The following GRID2 variants were observed in gnomAD, a reference collection of about 807,000 sequenced individuals.
The protein encoded by GRID2 is glutamate ionotropic receptor delta type subunit 2.
A neutral mutation model predicts 114.8 loss-of-function variants in GRID2; 33 were observed. The observed-to-expected ratio is 0.29, with a 90% CI of 0.22 to 0.38. The LOEUF (loss-of-function observed/expected upper bound fraction) is 0.38. GRID2 is among the 10% of genes least tolerant of loss of function. GRID2 has a pLI of 1.00. For synonymous variants in GRID2, 505 were observed against 449.9 expected (o/e 1.12, Z -1.55); for missense variants, 1,184 against 1,257.7 (o/e 0.94, Z 0.89).
chr4:93,606,819 A>G (rs1481345696), intron 13 of GRID2, among the ~76,000 whole-genome samples: 1 of 152,166 alleles, frequency 6.6e-6, no homozygotes, highest in East Asian at 1.9e-4. Context: ...ATACACTCAT[A>G]AATCATAGGA....
intron 2 of GRID2, among the ~76,000 whole-genome samples, chr4:92,676,331 C>A (rs1325548117): frequency 2.0e-5 from 3 of 151,900 alleles, no homozygotes; most frequent in Non-Finnish European, 4.4e-5. Flanking sequence ...AGGTGCCCAC[C>A]ACAACGCCCG....
At chr4:93,476,525 C>T (rs1725335545) in intron 11 of GRID2, among the ~76,000 whole-genome samples, 2 of 152,098 alleles carry the variant, frequency 1.3e-5, no homozygotes, top group Non-Finnish European at 2.9e-5. Context: ...TTTCCAGAAT[C>T]TTAGCCTTAC....
chr4:92,746,651 A>G (rs916422319), intron 2 of GRID2, among the ~76,000 whole-genome samples: 1 of 152,074 alleles, frequency 6.6e-6, no homozygotes, highest in African/African-American at 2.4e-5. Context: ...TTACGTACTT[A>G]CAGAATGTTT....
intron 2 of GRID2, among the ~76,000 whole-genome samples, chr4:92,714,284 A>G (rs1735422313): frequency 6.6e-6 from 1 of 152,194 alleles, no homozygotes. Flanking sequence ...CTGATGCAAG[A>G]AGTGGGTTCC....
intron 13 of GRID2, among the ~76,000 whole-genome samples, chr4:93,613,798 T>G (rs369827247): frequency 0.029 from 4,386 of 151,764 alleles, 83 homozygotes; most frequent in East Asian, 0.063. Context: ...ACGTGGAGCC[T>G]ACAGAGGCAG....
chr4:93,063,309 C>A (rs1727971463), intron 2 of GRID2, among the ~76,000 whole-genome samples: 1 of 151,866 alleles, frequency 6.6e-6, no homozygotes, highest in Non-Finnish European at 1.5e-5. Flanking sequence ...TTTCACTTAA[C>A]AATTTGATCA....
At chr4:93,652,555 T>C (rs780369598) in intron 14 of GRID2, among the ~76,000 whole-genome samples, 55 of 152,146 alleles carry the variant, frequency 3.6e-4, no homozygotes, top group South Asian at 8.3e-4. Context: ...GGCTATATCA[T>C]ATAGCCTAGG....
chr4:93,593,876 T>C (rs1738708834), intron 13 of GRID2, among the ~76,000 whole-genome samples: 1 of 152,078 alleles, frequency 6.6e-6, no homozygotes, highest in South Asian at 2.1e-4. Context: ...ATTCTTCACG[T>C]AGTTCTCGAG....
chr4:93,438,176 C>A (rs547302828), intron 10 of GRID2, among the ~76,000 whole-genome samples: 1 of 152,158 alleles, frequency 6.6e-6, no homozygotes, highest in African/African-American at 2.4e-5. Context: ...GTGGAAGATA[C>A]TTTTCCTCGG....
intron 1 of GRID2, among the ~76,000 whole-genome samples, chr4:92,375,351 T>C (rs1457699794): frequency 6.6e-6 from 1 of 152,206 alleles, no homozygotes; most frequent in Non-Finnish European, 1.5e-5. Flanking sequence ...TTTTTAGCCC[T>C]TGTAATTTGT....
intron 2 of GRID2, among the ~76,000 whole-genome samples, chr4:92,604,925 T>G (rs1451066017): frequency 6.6e-6 from 1 of 152,018 alleles, no homozygotes; most frequent in African/African-American, 2.4e-5. Context: ...TGGAGGTAAT[T>G]GAATCATGCG....
chr4:92,604,054 CTG>C (rs750020938), intron 2 of GRID2, among the ~76,000 whole-genome samples: 32 of 152,008 alleles, frequency 2.1e-4, no homozygotes, highest in Non-Finnish European at 4.0e-4. Context: ...GCTGGTGTGA[CTG>C]TGGAGGAAGA....
Position 93,332,777 on chromosome 4 carries a change from T to C in GRID2, c.1246-62830T>C, listed in dbSNP as rs865816857. 1.1e-4 allele frequency among the ~76,000 whole-genome samples: 16 copies of C among 152,228 alleles called. No homozygotes were observed. The Middle Eastern group carries it at 0.01, about 97-fold the overall frequency. On this transcript the variant is annotated intron_variant, in intron 8 of 15. Transcript: ENST00000282020. The stretch of plus-strand genomic sequence containing the variant: ...TACGTTACCCAGAAAGCTATAGCTT[T>C]CTTGTTTTCTTGGACCTAGGGGCTA...
intron 2 of GRID2, among the ~76,000 whole-genome samples, chr4:92,919,912 TTC>T (rs1276824416): frequency 2.0e-5 from 3 of 152,200 alleles, no homozygotes; most frequent in African/African-American, 4.8e-5. Context: ...CTTGTTAACT[TTC>T]TGTCTCATTG....
At chr4:93,783,186 C>CA (rs1463182628) in intron 1 of GRID2, among the ~76,000 whole-genome samples, 1 of 152,240 alleles carries the variant, frequency 6.6e-6, no homozygotes, top group Non-Finnish European at 1.5e-5. Flanking sequence ...GACCAGGTGC[C>CA]AGGCTCAGTG....
intron 13 of GRID2, among the ~76,000 whole-genome samples, chr4:93,599,597 A>G (rs143835286): frequency 3.9e-5 from 6 of 152,322 alleles, no homozygotes; most frequent in African/African-American, 1.4e-4. Flanking sequence ...ACTGGAAAAC[A>G]ATGTGATTAT....
chr4:93,037,647 T>G (rs1725050930), intron 2 of GRID2, among the ~76,000 whole-genome samples: 1 of 152,190 alleles, frequency 6.6e-6, no homozygotes, highest in African/African-American at 2.4e-5. Context: ...CAGTTTTAGC[T>G]TTCTGCATAT....
intron 8 of GRID2, among the ~76,000 whole-genome samples, chr4:93,346,209 T>C (rs551293167): frequency 6.6e-6 from 1 of 152,314 alleles, no homozygotes; most frequent in South Asian, 2.1e-4. Context: ...TGATTTCAAA[T>C]GTGAAACTTG....
intron 2 of GRID2, among the ~76,000 whole-genome samples, chr4:92,925,327 G>A (rs1276764131): frequency 6.6e-6 from 1 of 151,982 alleles, no homozygotes; most frequent in African/African-American, 2.4e-5. Context: ...AGAGATTAGA[G>A]GTGTCACTCA....
Sources: gnomAD v4.1 joint callset for allele counts (sites outside exome capture counted in the v4.1 genomes callset) on GRCh38, gnomAD v4.1.1 for gene constraint, MANE v1.5 for transcripts, NCBI Gene and HGNC (gene_info 2026-07-23, HGNC 2026-07-21) for gene names.